The following CNTNAP3B variants were observed in gnomAD, a reference collection of about 807,000 sequenced individuals.
The protein encoded by CNTNAP3B is contactin associated protein family member 3B.
Under a neutral mutation model 108.9 loss-of-function variants are expected in CNTNAP3B, and 25 were observed. The ratio of observed to expected loss-of-function variants is 0.23; its 90% CI spans 0.17 to 0.32. The LOEUF (loss-of-function observed/expected upper bound fraction) is 0.32. CNTNAP3B is among the 10% of genes least tolerant of loss of function. The probability of loss-of-function intolerance (pLI) is 1.00; values close to 1 mark genes in which losing one functional copy is unlikely to be tolerated. For missense variants in CNTNAP3B, 252 were observed against 1,210.4 expected (o/e 0.21, Z 11.75); for synonymous variants, 103 against 473.4 (o/e 0.22, Z 10.16).
intron 15 of CNTNAP3B, among the ~76,000 whole-genome samples, chr9:41,928,567 G>T (rs1443033552): frequency 6.6e-6 from 1 of 152,276 alleles, no homozygotes; most frequent in Admixed American, 6.5e-5. Context: ...GGCACACTCG[G>T]CAAGAATGTA....
chr9:41,937,112 A>T (rs1454338270), intron 14 of CNTNAP3B, among the ~76,000 whole-genome samples: 4 of 138,970 alleles, frequency 2.9e-5, no homozygotes, highest in Admixed American at 1.4e-4. Context: ...TTTATTTATT[A>T]ATTTATTATT....
At chr9:41,965,067 G>C (rs1369046186) in intron 10 of CNTNAP3B, among the ~76,000 whole-genome samples, 1 of 152,282 alleles carries the variant, frequency 6.6e-6, no homozygotes, top group East Asian at 1.9e-4. Context: ...CAGTCACATA[G>C]TGACAGAGGT....
At chr9:41,950,659 A>G (rs1413821650) in intron 13 of CNTNAP3B, among the ~76,000 whole-genome samples, 1 of 151,320 alleles carries the variant, frequency 6.6e-6, no homozygotes, top group African/African-American at 2.4e-5. Flanking sequence ...AATTTCATTT[A>G]CATAACATTC....
At chr9:41,935,340 C>T (rs1824124010) in intron 14 of CNTNAP3B, among the ~76,000 whole-genome samples, 2 of 152,256 alleles carry the variant, frequency 1.3e-5, no homozygotes, top group African/African-American at 4.8e-5. Context: ...CATTAACGGA[C>T]ATATGCCTGA....
At chr9:41,929,592 C>T (rs1385271401) in intron 14 of CNTNAP3B, 148 bp from the exon 15 acceptor site, 17 of 978,874 alleles carry the variant, frequency 1.7e-5, no homozygotes, top group South Asian at 1.5e-4. Context: ...ACAGAGACTA[C>T]CATGAATCTA....
intron 13 of CNTNAP3B, among the ~76,000 whole-genome samples, chr9:41,939,515 C>T (rs1394110074): frequency 5.9e-5 from 9 of 152,328 alleles, no homozygotes; most frequent in East Asian, 1.9e-4. Context: ...AAAAAAACAA[C>T]GAAAAAAAGG....
Position 42,095,638 on chromosome 9 carries a change from C to A in CNTNAP3B, c.196+8991G>T, listed in dbSNP as rs1243163949. ...AAAATGTAACTTCATTTCTCCATAA[C>A]CCAGAAAGCTTTCTAGTAGGAGCTG... On this transcript the variant is annotated intron_variant, in intron 2 of 23. Transcript: ENST00000377561. Among the ~76,000 whole-genome samples the A allele has an allele frequency of 2.2e-5, 3 of 138,220 alleles. 1 individual carries two copies. Among genetic ancestry groups the A allele is most frequent in the Non-Finnish European group, 4.6e-5 (3 of 64,692 alleles). 90.7% of individuals were successfully genotyped at this position (138,220 alleles called of 152,430 possible).
At chr9:41,966,637 A>C (rs1277704923) in intron 10 of CNTNAP3B, among the ~76,000 whole-genome samples, 2 of 152,406 alleles carry the variant, frequency 1.3e-5, no homozygotes, top group South Asian at 2.1e-4. Flanking sequence ...ACCTTAAAAC[A>C]GTATAGGAGT....
intron 14 of CNTNAP3B, among the ~76,000 whole-genome samples, 172 bp from the exon 15 acceptor site, chr9:41,929,616 C>A (rs1447554428): frequency 2.2e-5 from 3 of 138,750 alleles, no homozygotes; most frequent in African/African-American, 8.7e-5. Flanking sequence ...CAGGGATGGG[C>A]AAACATTTTG....
At chr9:42,019,918 AT>A (rs1403035960) in intron 3 of CNTNAP3B, among the ~76,000 whole-genome samples, 26 of 132,678 alleles carry the variant, frequency 2.0e-4, no homozygotes, top group African/African-American at 5.8e-4. Context: ...ATTGAAAAAA[AT>A]GTATGTGTAT....
At chr9:41,919,125 C>G (rs529897116) in intron 18 of CNTNAP3B, among the ~76,000 whole-genome samples, 1 of 152,212 alleles carries the variant, frequency 6.6e-6, no homozygotes, top group African/African-American at 2.4e-5. Context: ...AAATCAGTCC[C>G]TTTTTCCTTT....
rs1215716514 is a variant in CNTNAP3B, at chr9:41,915,744, G to GT, written c.2995+4325dup. 3.8e-4 allele frequency among the ~76,000 whole-genome samples: 43 copies of GT among 114,496 alleles called. 1 individual carries two copies. The highest frequency in any genetic ancestry group is 2.0e-3 in the South Asian group (7 of 3,440). 75.1% of individuals were successfully genotyped at this position (114,496 alleles called of 152,430 possible). On this transcript the variant is annotated intron_variant, in intron 18 of 23. Coordinates refer to ENST00000377561, the MANE Select transcript of CNTNAP3B (RefSeq NM_001201380.3). ...TTTCAGCAACAATTAAGATAATCATGTTTTTTTTTCCCCTCTCATTCTATT... is the reference window on the plus strand; with the variant it reads ...TTTCAGCAACAATTAAGATAATCATGTTTTTTTTTTCCCCTCTCATTCTATT...
rs927914697 is a variant in CNTNAP3B, at chr9:42,068,089, A to G, written c.390+8780T>C. 2.2e-5 allele frequency among the ~76,000 whole-genome samples: 3 copies of G among 134,038 alleles called. 1 individual carries two copies. The highest frequency in any genetic ancestry group is 9.1e-5 in the African/African-American group (3 of 32,992). The allele number at this position is 134,038 out of a possible 152,430, so 87.9% of individuals were successfully genotyped here. On this transcript the variant is annotated intron_variant, in intron 3 of 23. Coordinates refer to ENST00000377561, the MANE Select transcript of CNTNAP3B (RefSeq NM_001201380.3). ...TTGAAACAAAACTGCTTAGACCAGC[A>G]CACTTCTCTGATTTGTCAATGTCAC...
intron 12 of CNTNAP3B, among the ~76,000 whole-genome samples, chr9:41,958,612 C>A (rs1255081398): frequency 1.3e-5 from 2 of 151,800 alleles, no homozygotes; most frequent in Admixed American, 6.6e-5. Flanking sequence ...ACAAGAGCTT[C>A]TCAGCCCTCC....
chr9:41,935,279 G>A (rs1373256209), intron 14 of CNTNAP3B, among the ~76,000 whole-genome samples: 1 of 151,966 alleles, frequency 6.6e-6, no homozygotes, highest in African/African-American at 2.4e-5. Context: ...TGATTACAGG[G>A]ACAACTTATG....
intron 10 of CNTNAP3B, among the ~76,000 whole-genome samples, chr9:41,966,719 G>C (rs1160647070): frequency 6.6e-6 from 1 of 152,246 alleles, no homozygotes; most frequent in Non-Finnish European, 1.5e-5. Context: ...TGTAATCCCA[G>C]AACTTTGGGA....
At position 42,094,633 on chromosome 9, in the gene CNTNAP3B, G is replaced by A. The variant is rs562585125; in HGVS notation, c.196+9996C>T. Reference sequence around the variant, plus strand: ...ATCTTGCCACTGTACTCCAAACCTGGGCAACAGAGCAAGACTGTGTTTCAG... The same window carrying A: ...ATCTTGCCACTGTACTCCAAACCTGAGCAACAGAGCAAGACTGTGTTTCAG... On this transcript the variant is annotated intron_variant, in intron 2 of 23. Coordinates refer to ENST00000377561, the MANE Select transcript of CNTNAP3B (RefSeq NM_001201380.3). Among the ~76,000 whole-genome samples the A allele has an allele frequency of 6.0e-4, 73 of 122,220 alleles. 7 individuals carry two copies. The highest frequency in any genetic ancestry group is 2.2e-3 in the African/African-American group (65 of 29,576). The allele number at this position is 122,220 out of a possible 152,430, so 80.2% of individuals were successfully genotyped here.
At chr9:42,096,349 C>T (rs574366834) in intron 2 of CNTNAP3B, among the ~76,000 whole-genome samples, 11 of 140,548 alleles carry the variant, frequency 7.8e-5, no homozygotes, top group East Asian at 2.2e-4. Context: ...TCCTAGTCTG[C>T]GAGATAGCAG....
At chr9:41,934,186 C>CATATATAT (rs1159447535) in intron 14 of CNTNAP3B, among the ~76,000 whole-genome samples, 12,130 of 129,886 alleles carry the variant, frequency 0.093, 72 homozygotes, top group South Asian at 0.15. Flanking sequence ...TACACACACA[C>CATATATAT]ACATATATAT....
Sources: gnomAD v4.1 joint callset for allele counts (sites outside exome capture counted in the v4.1 genomes callset) on GRCh38, gnomAD v4.1.1 for gene constraint, MANE v1.5 for transcripts, NCBI Gene and HGNC (gene_info 2026-07-23, HGNC 2026-07-21) for gene names.